PDE9A: variants seen among roughly 807,000 people sequenced by gnomAD.
PDE9A encodes phosphodiesterase 9A.
Under a neutral mutation model 87.4 loss-of-function variants are expected in PDE9A, and 60 were observed. The ratio of observed to expected loss-of-function variants is 0.69; its 90% CI spans 0.56 to 0.85. PDE9A has a LOEUF of 0.85. PDE9A is among the 40% of genes least tolerant of loss of function. The probability of loss-of-function intolerance (pLI) is 0.00; values close to 1 mark genes in which losing one functional copy is unlikely to be tolerated. For synonymous variants in PDE9A, 272 were observed against 279.4 expected (o/e 0.97, Z 0.27); for missense variants, 665 against 779.0 (o/e 0.85, Z 1.74).
chr21:42,732,863 G>A (rs1319757842), intron 6 of PDE9A, among the ~76,000 whole-genome samples: 5 of 152,228 alleles, frequency 3.3e-5, no homozygotes, highest in Non-Finnish European at 5.9e-5. Flanking sequence ...GCCGTGAGCC[G>A]AGATCACGCC....
chr21:42,766,718 G>A (rs2056438970), intron 15 of PDE9A, among the ~76,000 whole-genome samples: 1 of 152,330 alleles, frequency 6.6e-6, no homozygotes, highest in South Asian at 2.1e-4. Context: ...CACATAGAGC[G>A]GCTTCCTGGC....
chr21:42,661,223 G>A (rs985839772), intron 1 of PDE9A, among the ~76,000 whole-genome samples: 2 of 151,888 alleles, frequency 1.3e-5, no homozygotes, highest in African/African-American at 2.4e-5. Context: ...TAGAGACGGG[G>A]TTTCAGCACC....
At chr21:42,773,964 G>A (rs1202472738) in intron 19 of PDE9A, among the ~76,000 whole-genome samples, 1 of 151,552 alleles carries the variant, frequency 6.6e-6, no homozygotes, top group Admixed American at 6.6e-5. Context: ...AATTAGCCGG[G>A]CGTGGTGGTG....
At chr21:42,679,205 C>A (rs979163209) in intron 1 of PDE9A, among the ~76,000 whole-genome samples, 14 of 152,278 alleles carry the variant, frequency 9.2e-5, no homozygotes, top group Admixed American at 5.9e-4. Context: ...GGTGGAAGAA[C>A]CTTCCGGAAT....
chr21:42,768,672 G>A, intron 16 of PDE9A: 1 of 985,440 alleles, frequency 1.0e-6, no homozygotes, highest in Non-Finnish European at 1.2e-6. Context: ...GGGAAGGTCG[G>A]GGACATAGAA....
intron 1 of PDE9A, among the ~76,000 whole-genome samples, chr21:42,662,281 T>C (rs927748248): frequency 1.3e-5 from 2 of 152,082 alleles, no homozygotes; most frequent in East Asian, 3.9e-4. Context: ...CCCAGCACGG[T>C]GCCGTGTCCG....
intron 16 of PDE9A, 64 bp from the exon 17 acceptor site, chr21:42,768,963 G>T: frequency 1.3e-6 from 2 of 1,536,192 alleles, no homozygotes; most frequent in South Asian, 2.5e-5. Context: ...CTTTCTCTGA[G>T]AACAGCGATC....
chr21:42,710,892 G>A lies in PDE9A; in HGVS notation c.262+11881G>A, dbSNP rs145015293. ...AATCCCAGGTACTCGAGAGGCTGAG[G>A]CAGGAGAATCGCTTGAACCCAGGAG... On this transcript the variant is annotated intron_variant, in intron 4 of 19. Coordinates refer to ENST00000291539, the MANE Select transcript of PDE9A (RefSeq NM_002606.3). Among the ~76,000 whole-genome samples, 775 of 152,300 alleles carry A rather than the reference G, an allele frequency of 5.1e-3. 6 individuals are homozygous for A. The highest frequency in any genetic ancestry group is 0.014 in the Middle Eastern group (4 of 292).
intron 17 of PDE9A, among the ~76,000 whole-genome samples, chr21:42,769,578 G>C (rs889857523): frequency 1.3e-4 from 12 of 91,222 alleles, no homozygotes; most frequent in Non-Finnish European, 1.3e-4. Context: ...ACACACACAT[G>C]CACACAGGTA....
rs1163969751 is a variant in PDE9A at position 42,727,399 on chromosome 21, C to CT, written c.263-4370dup. Reference sequence around the variant, plus strand: ...AGTGCAGTGGCATGATCGTGGCTCACTACAGCCTCAACCTCCCAAGCTCAA... The same window carrying CT: ...AGTGCAGTGGCATGATCGTGGCTCACTTACAGCCTCAACCTCCCAAGCTCAA... On this transcript the variant is annotated intron_variant, in intron 4 of 19. Transcript: ENST00000291539. Among the ~76,000 whole-genome samples, 3 of 151,830 alleles carry CT rather than the reference C, an allele frequency of 2.0e-5. No homozygotes were observed. The East Asian group carries it at 5.8e-4, about 29-fold the overall frequency.
chr21:42,759,370 G>A lies in PDE9A; in HGVS notation c.897+285G>A, dbSNP rs186667719. 5.2e-4 allele frequency among the ~76,000 whole-genome samples: 75 copies of A among 145,114 alleles called. No individual in the cohort carries two copies. Among genetic ancestry groups the A allele is most frequent in the African/African-American group, 1.8e-3 (71 of 38,500 alleles). ...GCAAAGCAGCATGTCCTAAAGCAGCGGTGTGTGGGAGCGTGTGTGTGTGTG... is the reference window on the plus strand; with the variant it reads ...GCAAAGCAGCATGTCCTAAAGCAGCAGTGTGTGGGAGCGTGTGTGTGTGTG... On this transcript the variant is annotated intron_variant, in intron 11 of 19. Transcript: ENST00000291539. This position sits in a 1 kb window ranked among gnomAD's most constrained non-coding sequence, Gnocchi z 7.2.
Position 42,692,146 on chromosome 21 carries a change from C to T in PDE9A, c.218+4152C>T, listed in dbSNP as rs1423806808. ...CCTTGCTCTCTGCTGGATTTCCAGC[C>T]CCTAAACGAGGCGGGGCATGCTGGG... On this transcript the variant is annotated intron_variant, in intron 3 of 19. Coordinates refer to ENST00000291539, the MANE Select transcript of PDE9A (RefSeq NM_002606.3). This position sits in a 1 kb window ranked among gnomAD's most constrained non-coding sequence, Gnocchi z 4.3. Among the ~76,000 whole-genome samples the T allele has an allele frequency of 1.3e-5, 2 of 152,212 alleles. No individual in the cohort carries two copies. The highest frequency in any genetic ancestry group is 2.4e-5 in the African/African-American group (1 of 41,454).
At chr21:42,656,349 C>G (rs955393218) in intron 1 of PDE9A, among the ~76,000 whole-genome samples, 1 of 152,256 alleles carries the variant, frequency 6.6e-6, no homozygotes, top group Non-Finnish European at 1.5e-5. Flanking sequence ...CTCTGGTTAC[C>G]TGACCCCTGG....
chr21:42,751,057 G>A (rs1473028515), intron 8 of PDE9A, 59 bp from the exon 9 acceptor site: 1 of 1,119,698 alleles, frequency 8.9e-7, no homozygotes, highest in East Asian at 2.3e-5. Context: ...TTGCTGTGCT[G>A]AGGGCTTCAC....
intron 3 of PDE9A, among the ~76,000 whole-genome samples, chr21:42,693,858 C>G (rs1207550505): frequency 2.0e-5 from 3 of 152,118 alleles, no homozygotes; most frequent in Admixed American, 2.0e-4. Context: ...TCCCAAAGTG[C>G]TGAGATTACA....
Position 42,704,754 on chromosome 21 carries a change from G to T in PDE9A, c.262+5743G>T, listed in dbSNP as rs1412883308. Among the ~76,000 whole-genome samples, 1 of 151,984 alleles carries T rather than the reference G, an allele frequency of 6.6e-6. No individual in the cohort carries two copies. Among genetic ancestry groups the T allele is most frequent in the Non-Finnish European group, 1.5e-5 (1 of 67,964 alleles). On this transcript the variant is annotated intron_variant, in intron 4 of 19. Coordinates refer to ENST00000291539, the MANE Select transcript of PDE9A (RefSeq NM_002606.3). The surrounding 1 kb of genome is among the most constrained non-coding windows in gnomAD (Gnocchi z 5.3). ...TAGACTAGCACAAGGCTCAGGGGGT[G>T]GGGGGTGGGGGCAGGGTGCAGGGAG...
intron 8 of PDE9A, among the ~76,000 whole-genome samples, chr21:42,746,250 A>C (rs960886519): frequency 6.6e-6 from 1 of 152,112 alleles, no homozygotes; most frequent in African/African-American, 2.4e-5. Context: ...GCAGGGGGGA[A>C]GATTATTTTT....
At chr21:42,725,242 T>C (rs1043776477) in intron 4 of PDE9A, among the ~76,000 whole-genome samples, 1 of 152,064 alleles carries the variant, frequency 6.6e-6, no homozygotes, top group Non-Finnish European at 1.5e-5. Context: ...GTTTTTGTTT[T>C]TGTTTTTTTT....
chr21:42,681,931 C>G (rs551284450), intron 1 of PDE9A, among the ~76,000 whole-genome samples: 1 of 152,214 alleles, frequency 6.6e-6, no homozygotes, highest in Non-Finnish European at 1.5e-5. Context: ...ACGAGGCAGC[C>G]TAGGGGTCCT....
Sources: gnomAD v4.1 joint callset for allele counts (sites outside exome capture counted in the v4.1 genomes callset) on GRCh38, gnomAD v4.1.1 for gene constraint, Gnocchi (gnomAD v3.1) non-coding constraint, MANE v1.5 for transcripts, NCBI Gene and HGNC (gene_info 2026-07-23, HGNC 2026-07-21) for gene names.